Variants in BROX observed in about 807,000 individuals in gnomAD.
BROX encodes BRO1 domain and CAAX motif containing.
In BROX, 53 loss-of-function variants were observed where a neutral mutation model predicts 61.0. The ratio of observed to expected loss-of-function variants is 0.87; its 90% CI spans 0.70 to 1.09. The LOEUF is 1.09. Ranked by LOEUF, BROX falls within the 50% of genes least tolerant of loss-of-function variation. The pLI, the probability that BROX is intolerant of heterozygous loss-of-function variation, is 0.00. For missense variants in BROX, 489 were observed against 472.0 expected (o/e 1.04, Z -0.33); for synonymous variants, 152 against 160.2 (o/e 0.95, Z 0.38).
chr1:222,714,884 GT>G (rs1558224085), intron 1 of BROX, among the ~76,000 whole-genome samples: 2 of 151,890 alleles, frequency 1.3e-5, no homozygotes. Context: ...CCAGCCCAAT[GT>G]TTTCATTTTA....
chr1:222,713,374 G>A (rs2124981462), intron 1 of BROX: 1 of 985,584 alleles, frequency 1.0e-6, no homozygotes. Context: ...AGGCTGGGTG[G>A]TAAACAGGAA....
At chr1:222,723,858 C>T (rs191632983) in intron 5 of BROX, among the ~76,000 whole-genome samples, 1 of 152,214 alleles carries the variant, frequency 6.6e-6, no homozygotes, top group East Asian at 1.9e-4. Flanking sequence ...AGGGTTTTGC[C>T]CTGCTGGCCA....
At chr1:222,728,617 A>G (rs907955746) in intron 8 of BROX, 126 bp from the exon 9 acceptor site, 29 of 528,762 alleles carry the variant, frequency 5.5e-5, no homozygotes, top group Non-Finnish European at 8.5e-5. Flanking sequence ...TTTAAAAAAA[A>G]ATTAAATTCT....
chr1:222,731,311 AAT>A (rs1558238150), intron 11 of BROX, 44 bp from the exon 12 acceptor site: 1 of 1,500,522 alleles, frequency 6.7e-7, no homozygotes, highest in South Asian at 1.3e-5. Context: ...TAGGCACTCA[AAT>A]AACGAACAAA....
In BROX at chr1:222,718,612, C is replaced by G. The variant is rs184649525; in HGVS notation, c.102-313C>G. 6.0e-3 allele frequency among the ~76,000 whole-genome samples: 911 copies of G among 152,024 alleles called. 9 individuals are homozygous for G. Among genetic ancestry groups the G allele is most frequent in the African/African-American group, 0.021 (861 of 41,434 alleles). On this transcript the variant is annotated intron_variant, in intron 2 of 12. Coordinates refer to ENST00000340934, the MANE Select transcript of BROX (RefSeq NM_144695.4). ...TTGATTGTTTTTAATTAAAACTTGA[C>G]ATATATTTTTATTATGTAATTGAAT... is the stretch of plus-strand genomic sequence containing the variant.
intron 4 of BROX, among the ~76,000 whole-genome samples, chr1:222,720,975 C>T (rs146798036): frequency 2.0e-5 from 3 of 152,216 alleles, no homozygotes; most frequent in African/African-American, 7.2e-5. Context: ...CAGTGGAAAT[C>T]GTGTTGTGAG....
chr1:222,725,044 C>T (rs1251656371), intron 6 of BROX, among the ~76,000 whole-genome samples: 3 of 152,124 alleles, frequency 2.0e-5, no homozygotes, highest in African/African-American at 7.2e-5. Context: ...TCACCTGCCT[C>T]GGCCTCCCAA....
chr1:222,729,790 T>C, intron 10 of BROX, 89 bp downstream of exon 10: 1 of 1,329,796 alleles, frequency 7.5e-7, no homozygotes, highest in South Asian at 1.3e-5. Context: ...AGATTTTGGC[T>C]GAGTTCATGA....
rs1405499987 is a variant in BROX, at chr1:222,735,073, G to C, written c.*2359G>C. ...AGGTTATAGAGAGGTGTAACTGTTT[G>C]TTAACTATTACATGGATTTCATACT... On this transcript the variant is annotated 3_prime_UTR_variant, in exon 13 of 13. Coordinates refer to ENST00000340934, the MANE Select transcript of BROX (RefSeq NM_144695.4). The C allele has an allele frequency of 2.0e-5, 3 of 152,156 alleles. No individual in the cohort carries two copies. Among genetic ancestry groups the C allele is most frequent in the Non-Finnish European group, 4.4e-5 (3 of 68,028 alleles). 9.4% of individuals were successfully genotyped at this position (152,156 alleles called of 1,614,324 possible).
chr1:222,713,478 C>T (rs987719917), intron 1 of BROX: 22 of 972,252 alleles, frequency 2.3e-5, no homozygotes, highest in Non-Finnish European at 2.7e-5. Flanking sequence ...AGCGGGAGTC[C>T]TCTTGTGGAA....
At chr1:222,713,232 T>C in intron 1 of BROX, 2 of 986,394 alleles carry the variant, frequency 2.0e-6, no homozygotes, top group Admixed American at 6.1e-5. Context: ...GGCCGTTGTC[T>C]GGCCACCTCT....
At chr1:222,713,330 C>T in intron 1 of BROX, 1 of 985,734 alleles carries the variant, frequency 1.0e-6, no homozygotes, top group Non-Finnish European at 1.2e-6. Flanking sequence ...GGTCGCCGCC[C>T]GCTGCCTCGA....
chr1:222,720,648 C>T (rs1657015045), intron 4 of BROX, among the ~76,000 whole-genome samples: 1 of 151,832 alleles, frequency 6.6e-6, no homozygotes, highest in African/African-American at 2.4e-5. Context: ...ACTGTCTCTA[C>T]TAAAAAATAC....
chr1:222,731,064 TC>T (rs138354724), intron 11 of BROX, among the ~76,000 whole-genome samples: 1 of 152,300 alleles, frequency 6.6e-6, no homozygotes, highest in East Asian at 1.9e-4. Flanking sequence ...GCTTTTCACT[TC>T]CTTAAGCATG....
chr1:222,714,646 A>G (rs1441110468), intron 1 of BROX, among the ~76,000 whole-genome samples: 1 of 148,800 alleles, frequency 6.7e-6, no homozygotes, highest in African/African-American at 2.5e-5. Flanking sequence ...CTGGAGTGCC[A>G]TGGGGAGATC....
In BROX at chr1:222,712,671, G is replaced by A. The variant is rs1656141369; in HGVS notation, c.-288G>A. ...AAAAAGACCATAGCTCAAAAGGAAG[G>A]CCGAGGGAGAAGTTAGAAAGGGATG... On this transcript the variant is annotated 5_prime_UTR_variant, in exon 1 of 13. Transcript: ENST00000340934. The A allele has an allele frequency of 5.4e-6, 7 of 1,300,340 alleles. No homozygotes were observed. The highest frequency in any genetic ancestry group is 1.0e-4 in the East Asian group (2 of 19,328). The allele number at this position is 1,300,340 out of a possible 1,614,324, so 80.6% of individuals were successfully genotyped here.
rs1414434136 is a variant in BROX, at chr1:222,727,234, C to T, written c.647C>T (p.Thr216Ile). The T allele has an allele frequency of 1.4e-5, 22 of 1,612,256 alleles. No homozygotes were observed. The highest frequency in any genetic ancestry group is 1.8e-5 in the Non-Finnish European group (21 of 1,178,838). ...PGLIAALAYE[T>I]ANFYQKADHT... ...CTAATTGCTGCACTGGCGTATGAAACAGCCAATTTCTATCAAAAAGCTGGT... is the reference window on the plus strand; with the variant it reads ...CTAATTGCTGCACTGGCGTATGAAATAGCCAATTTCTATCAAAAAGCTGGT... Residue 216 changes from threonine (T) to isoleucine (I), a missense_variant, in exon 8 of 13, where the codon ACA (threonine) becomes ATA (isoleucine). Transcript: ENST00000340934.
At chr1:222,715,626 T>C in intron 1 of BROX, 58 bp from the exon 2 acceptor site, 1 of 709,730 alleles carries the variant, frequency 1.4e-6, no homozygotes, top group Non-Finnish European at 2.1e-6. Flanking sequence ...GCTATTTACC[T>C]TGTTTATTAA....
chr1:222,722,286 A>G lies in BROX; in HGVS notation c.306-133A>G, dbSNP rs1657158012. On this transcript the variant is annotated intron_variant, in intron 4 of 12. Transcript: ENST00000340934. ...TACATCTTATCTCCCCATCTATATTAAACACAACCATTTTCCTCATACATA... is the reference window on the plus strand; with the variant it reads ...TACATCTTATCTCCCCATCTATATTGAACACAACCATTTTCCTCATACATA... 2 of 729,302 alleles carry G rather than the reference A, an allele frequency of 2.7e-6. 1 individual carries two copies. Among genetic ancestry groups the G allele is most frequent in the South Asian group, 3.1e-5 (2 of 63,676 alleles). The allele number at this position is 729,302 out of a possible 1,614,324, so 45.2% of individuals were successfully genotyped here. A position where few individuals can be genotyped will look rare whatever the true frequency, so the allele number is the denominator to read the frequency against.
Sources: allele counts gnomAD v4.1 joint callset (sites outside exome capture counted in the v4.1 genomes callset), GRCh38; gene constraint gnomAD v4.1.1; transcripts MANE v1.5; gene names NCBI Gene and HGNC (gene_info 2026-07-23, HGNC 2026-07-21).